DCK: variants seen among roughly 807,000 people sequenced by gnomAD.
The protein encoded by DCK is deoxyadenosine kinase.
In DCK, 23 loss-of-function variants were observed where a neutral mutation model predicts 38.3. The observed-to-expected ratio is 0.60, with a 90% CI of 0.43 to 0.85. DCK has a LOEUF of 0.85. DCK is among the 40% of genes least tolerant of loss of function. The pLI is 0.00. For missense variants in DCK, 259 were observed against 304.4 expected (o/e 0.85, Z 1.11); for synonymous variants, 108 against 100.6 (o/e 1.07, Z -0.44).
Position 70,998,195 on chromosome 4 carries a change from A to T in DCK, c.207+13A>T. 1 of 1,350,312 alleles carries T rather than the reference A, an allele frequency of 7.4e-7. No homozygotes were observed. The highest frequency in any genetic ancestry group is 1.8e-4 in the Middle Eastern group (1 of 5,504). The allele number at this position is 1,350,312 out of a possible 1,614,324, so 83.6% of individuals were successfully genotyped here. On this transcript the variant is annotated intron_variant, in intron 2 of 6. Coordinates refer to ENST00000286648, the MANE Select transcript of DCK (RefSeq NM_000788.3). The stretch of plus-strand genomic sequence containing the variant: ...AGATGAATTTGAGGTATGAAAATAA[A>T]ATTTAAGTAGATAAAAGCCTCTTGG...
At chr4:71,001,913 A>T (rs1001062441) in intron 2 of DCK, among the ~76,000 whole-genome samples, 1 of 152,122 alleles carries the variant, frequency 6.6e-6, no homozygotes, top group African/African-American at 2.4e-5. Flanking sequence ...AATCTTTTCG[A>T]AGAACCAGCT....
In DCK at chr4:71,023,720, A is replaced by G; in HGVS notation, c.549+14A>G. On this transcript the variant is annotated intron_variant, in intron 4 of 6. Coordinates refer to ENST00000286648, the MANE Select transcript of DCK (RefSeq NM_000788.3). Reference sequence around the variant, plus strand: ...GCCACTCCAGAGGTAAAACCCAATAAAAATGTGTTTCACTGAAAATTTAAA... The same window carrying G: ...GCCACTCCAGAGGTAAAACCCAATAGAAATGTGTTTCACTGAAAATTTAAA... The G allele has an allele frequency of 3.1e-6, 5 of 1,596,296 alleles. No homozygotes were observed. Among genetic ancestry groups the G allele is most frequent in the Non-Finnish European group, 4.3e-6 (5 of 1,174,398 alleles).
At chr4:71,014,230 A>G (rs1289618956) in intron 2 of DCK, among the ~76,000 whole-genome samples, 2 of 152,352 alleles carry the variant, frequency 1.3e-5, no homozygotes, top group South Asian at 2.1e-4. Flanking sequence ...TATCCTAAAT[A>G]TATATGCACC....
intron 1 of DCK, among the ~76,000 whole-genome samples, 198 bp from the exon 2 acceptor site, chr4:70,997,869 A>G (rs1271747046): frequency 5.3e-5 from 8 of 152,216 alleles, no homozygotes; most frequent in Admixed American, 5.2e-4. Context: ...CGTAATAAAA[A>G]ACAAATGTGC....
chr4:70,997,877 T>C (rs1739695345), intron 1 of DCK, among the ~76,000 whole-genome samples, 190 bp from the exon 2 acceptor site: 1 of 152,226 alleles, frequency 6.6e-6, no homozygotes, highest in Admixed American at 6.5e-5. Context: ...AAAACAAATG[T>C]GCTTAATGAA....
chr4:71,000,975 C>A (rs1371985267), intron 2 of DCK, among the ~76,000 whole-genome samples: 1 of 152,170 alleles, frequency 6.6e-6, no homozygotes, highest in Non-Finnish European at 1.5e-5. Context: ...GATAATTTGA[C>A]TTCCCCTCTT....
At chr4:70,994,480 C>T (rs1189175277) in intron 1 of DCK, among the ~76,000 whole-genome samples, 1 of 152,204 alleles carries the variant, frequency 6.6e-6, no homozygotes, top group Non-Finnish European at 1.5e-5. Context: ...GAATCATAGG[C>T]TATATCGCCT....
chr4:71,002,724 C>T (rs533103940), intron 2 of DCK, among the ~76,000 whole-genome samples: 99 of 152,054 alleles, frequency 6.5e-4, no homozygotes, highest in Admixed American at 1.3e-3. Context: ...TGCCCTTTGT[C>T]TTTTTTTCAT....
At chr4:71,020,355 T>C (rs529471285) in intron 2 of DCK, among the ~76,000 whole-genome samples, 85 of 152,362 alleles carry the variant, frequency 5.6e-4, no homozygotes, top group Middle Eastern at 3.4e-3. Context: ...AAGATGTGTT[T>C]TGTGATGTTA....
chr4:71,017,806 C>T (rs1038762714), intron 2 of DCK, among the ~76,000 whole-genome samples: 1 of 150,546 alleles, frequency 6.6e-6, no homozygotes, highest in Non-Finnish European at 1.5e-5. Flanking sequence ...GGAGGGATAG[C>T]ATTAGGAGAA....
intron 2 of DCK, among the ~76,000 whole-genome samples, chr4:71,020,307 A>G (rs1398859115): frequency 1.3e-5 from 2 of 152,158 alleles, no homozygotes; most frequent in African/African-American, 4.8e-5. Context: ...TTTTTTGGCA[A>G]GATTCCTAGT....
At chr4:71,021,066 CTTTT>C (rs34109101) in intron 2 of DCK, among the ~76,000 whole-genome samples, 1 of 85,996 alleles carries the variant, frequency 1.2e-5, no homozygotes. Context: ...GATGCTATTT[CTTTT>C]TTTTTTTTTT....
At position 71,029,916 on chromosome 4, in the gene DCK, C is replaced by T. The variant is rs902597426; in HGVS notation, c.*538C>T. 1.0e-4 allele frequency: 16 copies of T among 152,736 alleles called. No homozygotes were observed. Among genetic ancestry groups the T allele is most frequent in the Admixed American group, 9.2e-4 (14 of 15,272 alleles). 9.5% of individuals were successfully genotyped at this position (152,736 alleles called of 1,614,324 possible). On this transcript the variant is annotated 3_prime_UTR_variant, in exon 7 of 7. Transcript: ENST00000286648. ...ATTATTATCTTCTTAACAGTTTAGT[C>T]CCACCTCTTACTTCCTGCCTCAGTC...
In DCK at chr4:70,995,617, C is replaced by G. The variant is rs531357491; in HGVS notation, c.91+1691C>G. 2.6e-5 allele frequency among the ~76,000 whole-genome samples: 4 copies of G among 152,156 alleles called. No homozygotes were observed. In the East Asian group the frequency reaches 7.7e-4, roughly 29 times the overall value. On this transcript the variant is annotated intron_variant, in intron 1 of 6. Coordinates refer to ENST00000286648, the MANE Select transcript of DCK (RefSeq NM_000788.3). ...AAACAGTAAAGTTGAATGAATAACC[C>G]CTCGGATCAATACCACAATACATTC...
chr4:71,017,198 A>C (rs1422509227), intron 2 of DCK, among the ~76,000 whole-genome samples: 2 of 152,256 alleles, frequency 1.3e-5, no homozygotes, highest in Admixed American at 1.3e-4. Context: ...ATCACTGGCC[A>C]TCAGAGAAAT....
At chr4:71,020,383 T>C (rs1740384844) in intron 2 of DCK, among the ~76,000 whole-genome samples, 1 of 152,230 alleles carries the variant, frequency 6.6e-6, no homozygotes, top group Middle Eastern at 3.2e-3. Flanking sequence ...ACAGTTTAGC[T>C]GTTGTCAGAT....
intron 2 of DCK, among the ~76,000 whole-genome samples, chr4:70,998,450 A>G (rs569429138): frequency 2.4e-4 from 37 of 152,368 alleles, no homozygotes; most frequent in Non-Finnish European, 5.1e-4. Flanking sequence ...ATTACTGTTC[A>G]TATAGCATTT....
chr4:71,008,964 G>T (rs910556691), intron 2 of DCK, among the ~76,000 whole-genome samples: 1 of 152,170 alleles, frequency 6.6e-6, no homozygotes, highest in African/African-American at 2.4e-5. Flanking sequence ...CAATAACTGG[G>T]AAGGGTAGGA....
Position 71,030,689 on chromosome 4 carries a change from G to T in DCK, c.*1311G>T, listed in dbSNP as rs538718092. On this transcript the variant is annotated 3_prime_UTR_variant, in exon 7 of 7. Transcript: ENST00000286648. ...CTACACTCATTGAAATGTAATTTCA[G>T]TTCTAAAAAGATGTAATAATCATTT... The T allele has an allele frequency of 2.6e-5, 4 of 152,106 alleles. No individual in the cohort carries two copies. The South Asian group carries it at 8.3e-4, about 32-fold the overall frequency. The allele number at this position is 152,106 out of a possible 1,614,324, so 9.4% of individuals were successfully genotyped here. A position where few individuals can be genotyped will look rare whatever the true frequency, so the allele number is the denominator to read the frequency against.
Sources: gnomAD v4.1 joint callset for allele counts (sites outside exome capture counted in the v4.1 genomes callset) on GRCh38, gnomAD v4.1.1 for gene constraint, MANE v1.5 for transcripts, NCBI Gene and HGNC (gene_info 2026-07-23, HGNC 2026-07-21) for gene names.